The following UTRN variants were observed in gnomAD, a reference collection of about 807,000 sequenced individuals.
UTRN encodes the protein utrophin.
A neutral mutation model predicts 463.9 loss-of-function variants in UTRN; 283 were observed. The ratio of observed to expected loss-of-function variants is 0.61; its 90% confidence interval spans 0.55 to 0.67. The LOEUF (loss-of-function observed/expected upper bound fraction) is 0.67, where lower values mean the gene tolerates loss of function less well. Among genes scored for constraint, UTRN ranks in the 30% least tolerant of loss-of-function variants. The pLI is 0.00. For synonymous variants in UTRN, 1,442 were observed against 1,431.5 expected, an observed-to-expected ratio of 1.01 and a Z score of -0.17; for missense variants, 3,922 against 4,084.3, an observed-to-expected ratio of 0.96 and a Z score of 1.08.
intron 2 of UTRN, among the ~76,000 whole-genome samples, chr6:144,303,572 T>C (rs146100749): frequency 1.7e-3 from 254 of 152,344 alleles, no homozygotes; most frequent in African/African-American, 5.8e-3. Flanking sequence ...TCTTGGTCAG[T>C]TTATATGGGG....
rs2128569235 is a variant in UTRN at position 144,473,713 on chromosome 6, C to T, written c.3067-7C>T. 5.0e-6 allele frequency: 8 copies of T among 1,612,026 alleles called. No individual in the cohort carries two copies. Among genetic ancestry groups the T allele is most frequent in the East Asian group, 2.2e-5 (1 of 44,828 alleles). On this transcript the variant is annotated splice_polypyrimidine_tract_variant and splice_region_variant and intron_variant, in intron 23 of 74. Transcript: ENST00000367545. ...TAATATCCCCCTCTGTTATCATGTT[C>T]GATTAGGCCGATTCAACAGTCATTG...
intron 54 of UTRN, among the ~76,000 whole-genome samples, chr6:144,742,564 A>C (rs9484903): frequency 0.014 from 2,193 of 152,296 alleles, 53 homozygotes; most frequent in African/African-American, 0.05. Flanking sequence ...CTTATTGGCT[A>C]ATCAACCTGG....
intron 10 of UTRN, among the ~76,000 whole-genome samples, chr6:144,436,396 A>G (rs1786533741): frequency 6.6e-6 from 1 of 152,218 alleles, no homozygotes; most frequent in South Asian, 2.1e-4. Flanking sequence ...ATTGCATAGT[A>G]CTGCTCAGTT....
At chr6:144,636,912 T>C (rs1777233014) in intron 51 of UTRN, among the ~76,000 whole-genome samples, 1 of 152,224 alleles carries the variant, frequency 6.6e-6, no homozygotes, top group African/African-American at 2.4e-5. Flanking sequence ...TTTTTTTTAT[T>C]GGTAACTATT....
intron 51 of UTRN, among the ~76,000 whole-genome samples, chr6:144,667,111 G>A (rs1419134744): frequency 1.3e-5 from 2 of 152,048 alleles, no homozygotes; most frequent in Non-Finnish European, 2.9e-5. Flanking sequence ...CTGGAGTGCA[G>A]TGGCACCATC....
chr6:144,448,857 A>G, intron 17 of UTRN, 88 bp downstream of exon 17: 2 of 1,407,026 alleles, frequency 1.4e-6, no homozygotes, highest in Non-Finnish European at 1.9e-6. Context: ...ATCATTAATC[A>G]TAGGCAAATC....
rs1486470101 is a variant in UTRN, at chr6:144,751,866, A to T, written c.8269A>T (p.Ser2757Cys). Residue 2757 changes from serine to cysteine, a missense_variant, in exon 56 of 75, where the codon AGT (serine) becomes TGT (cysteine). Ser to Cys is a moderately radical substitution (Grantham distance 112, BLOSUM62 -1). Coordinates refer to ENST00000367545, the MANE Select transcript of UTRN (RefSeq NM_007124.3). ...AGTTAAAACGGTGAATGATTTATCC[A>T]GTCAGCTGTCTCCACTTGACCTGCA... ...FKVKTVNDLS[S>C]QLSPLDLHPS... The T allele has an allele frequency of 6.2e-7, 1 of 1,612,450 alleles. No homozygotes were observed. Among genetic ancestry groups the T allele is most frequent in the Non-Finnish European group, 8.5e-7 (1 of 1,179,280 alleles).
At chr6:144,597,235 C>CAAAAAAAAA (rs67471247) in intron 51 of UTRN, among the ~76,000 whole-genome samples, 7 of 85,744 alleles carry the variant, frequency 8.2e-5, no homozygotes, top group East Asian at 3.3e-4. Context: ...GAGACTGTCT[C>CAAAAAAAAA]AAAAAAAAAA....
At chr6:144,613,873 C>T (rs952051) in intron 51 of UTRN, among the ~76,000 whole-genome samples, 24,673 of 151,900 alleles carry the variant, frequency 0.16, 2,179 homozygotes, top group South Asian at 0.27. Context: ...TATATATACA[C>T]GCATTAAAAT....
intron 52 of UTRN, among the ~76,000 whole-genome samples, chr6:144,684,512 AG>A (rs1461068879): frequency 1.6e-4 from 25 of 152,160 alleles, no homozygotes; most frequent in Admixed American, 5.9e-4. Flanking sequence ...ACTGGGAGTC[AG>A]TTAACATTTC....
intron 54 of UTRN, among the ~76,000 whole-genome samples, chr6:144,747,423 A>G (rs1017892840): frequency 6.6e-6 from 1 of 152,176 alleles, no homozygotes; most frequent in Non-Finnish European, 1.5e-5. Context: ...TGTTGACTGC[A>G]TTCCTCTGCC....
chr6:144,750,795 C>T (rs919703535), intron 55 of UTRN, among the ~76,000 whole-genome samples: 8 of 152,076 alleles, frequency 5.3e-5, no homozygotes, highest in African/African-American at 1.9e-4. Flanking sequence ...ATTGCAAGTT[C>T]TGTGCTGAAT....
At chr6:144,365,542 A>G (rs1779432443) in intron 2 of UTRN, among the ~76,000 whole-genome samples, 1 of 152,208 alleles carries the variant, frequency 6.6e-6, no homozygotes, top group Non-Finnish European at 1.5e-5. Context: ...TCTCAGTGTC[A>G]TTGGCAGGAT....
chr6:144,793,907 C>T lies in UTRN; in HGVS notation c.8994C>T (p.Ala2998=). The change falls in exon 63 of 75, where the codon GCC becomes GCT. Residue 2998 remains alanine (A), a synonymous_variant. Coordinates refer to ENST00000367545, the MANE Select transcript of UTRN (RefSeq NM_007124.3). Reference sequence around the variant, plus strand: ...AGCTGGGCCTGTTACTTCATGATGCCATCCAGATCCCCCGGCAGCTAGGTG... The same window carrying T: ...AGCTGGGCCTGTTACTTCATGATGCTATCCAGATCCCCCGGCAGCTAGGTG... ...QRQLGLLLHD[A]IQIPRQLGEV... is the part of the protein sequence containing the mutation. 4.3e-6 allele frequency: 7 copies of T among 1,614,112 alleles called. No homozygotes were observed. The highest frequency in any genetic ancestry group is 5.9e-6 in the Non-Finnish European group (7 of 1,179,990).
At chr6:144,506,307 T>A (rs1794687814) in intron 34 of UTRN, among the ~76,000 whole-genome samples, 1 of 152,164 alleles carries the variant, frequency 6.6e-6, no homozygotes, top group East Asian at 1.9e-4. Context: ...GTCATTATGA[T>A]GTTATCTGGT....
intron 2 of UTRN, among the ~76,000 whole-genome samples, chr6:144,395,198 T>A (rs974948425): frequency 1.4e-4 from 22 of 152,262 alleles, no homozygotes; most frequent in African/African-American, 4.8e-4. Context: ...GTGACTCATA[T>A]CATTATGACT....
chr6:144,345,965 G>T (rs1192139734), intron 2 of UTRN, among the ~76,000 whole-genome samples: 1 of 152,102 alleles, frequency 6.6e-6, no homozygotes, highest in East Asian at 1.9e-4. Flanking sequence ...ATCACCTGAG[G>T]TCAGGAGTTC....
At chr6:144,691,915 G>C (rs1489270183) in intron 52 of UTRN, among the ~76,000 whole-genome samples, 1 of 151,524 alleles carries the variant, frequency 6.6e-6, no homozygotes, top group African/African-American at 2.4e-5. Flanking sequence ...TTTCAGTTCA[G>C]GGTACATGTA....
chr6:144,754,909 T>A, intron 57 of UTRN, 111 bp downstream of exon 57: 2 of 1,036,896 alleles, frequency 1.9e-6, no homozygotes, highest in Non-Finnish European at 2.8e-6. Flanking sequence ...TTTAGATAGA[T>A]CCTTGTAAGG....
Sources: allele counts gnomAD v4.1 joint callset (sites outside exome capture counted in the v4.1 genomes callset), GRCh38; gene constraint gnomAD v4.1.1; transcripts MANE v1.5; gene names NCBI Gene and HGNC (gene_info 2026-07-23, HGNC 2026-07-21).